Variants in RORA observed in about 807,000 individuals in gnomAD.
The protein encoded by RORA is RAR related orphan receptor A, also known as nuclear receptor ROR-alpha.
Under a neutral mutation model 69.5 loss-of-function variants are expected in RORA, and 7 were observed. That is an observed-to-expected ratio of 0.10 (90% CI 0.06 to 0.19). The LOEUF is 0.19. RORA is among the 10% of genes least tolerant of loss of function. RORA has a pLI of 1.00. For missense variants in RORA, 457 were observed against 663.0 expected (o/e 0.69, Z 3.41); for synonymous variants, 261 against 240.8 (o/e 1.08, Z -0.78).
intron 1 of RORA, among the ~76,000 whole-genome samples, chr15:60,862,708 C>G (rs1204413283): frequency 1.3e-5 from 2 of 152,260 alleles, no homozygotes; most frequent in East Asian, 3.9e-4. Context: ...GAACAGCTTC[C>G]CTTCCCAGAG....
intron 1 of RORA, among the ~76,000 whole-genome samples, chr15:61,084,474 T>C (rs1401573485): frequency 1.3e-5 from 2 of 152,226 alleles, no homozygotes; most frequent in Non-Finnish European, 2.9e-5. Flanking sequence ...TTTGACCTTT[T>C]TCAGAGGTAC....
chr15:60,780,978 A>G (rs1292193208), intron 1 of RORA, among the ~76,000 whole-genome samples: 2 of 152,182 alleles, frequency 1.3e-5, no homozygotes, highest in African/African-American at 4.8e-5. Context: ...TAACTTTAGT[A>G]GGTGGATTCT....
chr15:60,962,196 C>T (rs979214337), intron 1 of RORA, among the ~76,000 whole-genome samples: 3 of 152,202 alleles, frequency 2.0e-5, no homozygotes, highest in South Asian at 4.1e-4. Flanking sequence ...AGCACCTCCA[C>T]CCAATAGCTA....
At chr15:60,866,244 T>C (rs935749673) in intron 1 of RORA, among the ~76,000 whole-genome samples, 10 of 152,214 alleles carry the variant, frequency 6.6e-5, no homozygotes, top group Non-Finnish European at 1.2e-4. Context: ...ATTATTCTAC[T>C]CTCCATCTGC....
intron 1 of RORA, among the ~76,000 whole-genome samples, chr15:61,102,635 C>T (rs1019469401): frequency 3.3e-5 from 5 of 152,194 alleles, no homozygotes; most frequent in African/African-American, 1.2e-4. Context: ...TTCTGTGTAC[C>T]CACAACTTCC....
At chr15:61,001,271 G>A (rs1372855343) in intron 1 of RORA, among the ~76,000 whole-genome samples, 2 of 152,198 alleles carry the variant, frequency 1.3e-5, no homozygotes, top group South Asian at 2.1e-4. Context: ...CTGTGAGGGC[G>A]CAAGAGTGTG....
intron 1 of RORA, among the ~76,000 whole-genome samples, chr15:60,817,202 C>T (rs1053718644): frequency 6.6e-6 from 1 of 152,178 alleles, no homozygotes; most frequent in Non-Finnish European, 1.5e-5. Flanking sequence ...GGTTCGGTCT[C>T]TAGACCACGG....
chr15:60,503,591 C>T lies in RORA; in HGVS notation c.1019G>A (p.Arg340His), dbSNP rs1438949774. 6.2e-7 allele frequency: 1 copy of T among 1,614,048 alleles called. No individual in the cohort carries two copies. Among genetic ancestry groups the T allele is most frequent in the Non-Finnish European group, 8.5e-7 (1 of 1,179,972 alleles). Reference sequence around the variant, plus strand: ...ACACAGTTCCATAAATCCATCAATGCGTTTGGCAAACTCCACCACATACTG... The same window carrying T: ...ACACAGTTCCATAAATCCATCAATGTGTTTGGCAAACTCCACCACATACTG... ...AIQYVVEFAK[R>H]IDGFMELCQN... The change falls in exon 7 of 11, where the codon CGC becomes CAC. Residue 340 changes from arginine to histidine, a missense_variant. Arg to His is a conservative substitution (Grantham distance 29, BLOSUM62 0). This residue lies in a region of RORA where 304 missense variants were observed against 447.4 expected (regional missense o/e 0.68). Transcript: ENST00000335670.
rs2078181797 is a variant in RORA, at chr15:61,061,354, A to AAAT, written c.166+167698_166+167699insATT. Among the ~76,000 whole-genome samples the AAAT allele has an allele frequency of 3.6e-5, 5 of 137,102 alleles. No individual in the cohort carries two copies. The highest frequency in any genetic ancestry group is 1.1e-4 in the African/African-American group (4 of 36,956). The allele number at this position is 137,102 out of a possible 152,430, so 89.9% of individuals were successfully genotyped here. On this transcript the variant is annotated intron_variant, in intron 1 of 10. Transcript: ENST00000335670. This position sits in a 1 kb window ranked among gnomAD's most constrained non-coding sequence, Gnocchi z 4.4. ...GAGACAGAGCGAGGCTCTATCTTAAAAAATAAATAAATAAATAAATAAATA... is the reference window on the plus strand; with the variant it reads ...GAGACAGAGCGAGGCTCTATCTTAAAAATAAATAAATAAATAAATAAATAAATA...
chr15:61,127,452 G>T (rs1311073636), intron 1 of RORA, among the ~76,000 whole-genome samples: 1 of 152,140 alleles, frequency 6.6e-6, no homozygotes, highest in Non-Finnish European at 1.5e-5. Flanking sequence ...CACCTTTTCG[G>T]CTCTTTGTTC....
At position 60,767,343 on chromosome 15, in the gene RORA, T is replaced by G. The variant is rs187358658; in HGVS notation, c.167-88657A>C. 4.6e-5 allele frequency among the ~76,000 whole-genome samples: 7 copies of G among 152,264 alleles called. No homozygotes were observed. The East Asian group carries it at 1.4e-3, about 29-fold the overall frequency. ...CAAAGGCAAATACTAACTGGAAAAT[T>G]TGGGGGATACCAGCAGGTACTCTAA... is the stretch of plus-strand genomic sequence containing the variant. On this transcript the variant is annotated intron_variant, in intron 1 of 10. Transcript: ENST00000335670.
At chr15:61,112,824 G>A (rs181398100) in intron 1 of RORA, among the ~76,000 whole-genome samples, 5 of 152,316 alleles carry the variant, frequency 3.3e-5, no homozygotes, top group Admixed American at 1.3e-4. Context: ...ACAGGCAGAC[G>A]GGAGTCAGAT....
At chr15:60,505,803 G>A (rs1316691062) in intron 5 of RORA, among the ~76,000 whole-genome samples, 174 bp from the exon 6 acceptor site, 1 of 152,174 alleles carries the variant, frequency 6.6e-6, no homozygotes, top group Non-Finnish European at 1.5e-5. Context: ...GGAACGTGAA[G>A]GAGGACAGGG....
At chr15:61,127,249 C>T (rs2079151059) in intron 1 of RORA, among the ~76,000 whole-genome samples, 1 of 152,070 alleles carries the variant, frequency 6.6e-6, no homozygotes, top group Non-Finnish European at 1.5e-5. Context: ...CAATTTATGT[C>T]TCATCATGGA....
At chr15:60,662,750 T>A (rs762296981) in intron 2 of RORA, among the ~76,000 whole-genome samples, 1 of 152,160 alleles carries the variant, frequency 6.6e-6, no homozygotes, top group Non-Finnish European at 1.5e-5. Context: ...AAAATATGTG[T>A]CATTTTAAAT....
chr15:60,890,559 C>A (rs1307178833), intron 1 of RORA, among the ~76,000 whole-genome samples: 2 of 152,212 alleles, frequency 1.3e-5, no homozygotes, highest in African/African-American at 4.8e-5. Context: ...GCCACCATCG[C>A]CCTGCTCGGG....
intron 5 of RORA, among the ~76,000 whole-genome samples, chr15:60,509,030 A>G (rs901808297): frequency 3.9e-5 from 6 of 152,312 alleles, no homozygotes; most frequent in Middle Eastern, 3.4e-3. Context: ...TTATTTTCCT[A>G]TTATACAATT....
At chr15:60,565,744 GT>G (rs1055826124) in intron 2 of RORA, among the ~76,000 whole-genome samples, 2 of 152,114 alleles carry the variant, frequency 1.3e-5, no homozygotes, top group African/African-American at 4.8e-5. Context: ...TACCACCCCT[GT>G]TTTTTCTTTA....
intron 1 of RORA, among the ~76,000 whole-genome samples, chr15:60,734,814 T>C (rs1053299765): frequency 5.3e-5 from 8 of 152,238 alleles, no homozygotes; most frequent in Non-Finnish European, 1.0e-4. Context: ...CAGATGGGGC[T>C]AGAAATCTCT....
Sources: gnomAD v4.1 joint callset for allele counts (sites outside exome capture counted in the v4.1 genomes callset) on GRCh38, gnomAD v4.1.1 for gene constraint, gnomAD v4.1.1 regional missense constraint, Gnocchi (gnomAD v3.1) non-coding constraint, MANE v1.5 for transcripts, NCBI Gene and HGNC (gene_info 2026-07-23, HGNC 2026-07-21) for gene names.